The following CNTN6 variants were observed in gnomAD, a reference collection of about 807,000 sequenced individuals.
The protein encoded by CNTN6 is contactin 6, also known as contactin-6.
Under a neutral mutation model 122.8 loss-of-function variants are expected in CNTN6, and 137 were observed. That is an observed-to-expected ratio of 1.12 (90% CI 0.97 to 1.29). The LOEUF (loss-of-function observed/expected upper bound fraction) is 1.29, where lower values mean the gene tolerates loss of function less well. Ranked by LOEUF, CNTN6 falls within the 50% of genes most tolerant of loss-of-function variation. The probability of loss-of-function intolerance (pLI) is 0.00; values close to 1 mark genes in which losing one functional copy is unlikely to be tolerated. For missense variants in CNTN6, 1,634 were observed against 1,223.4 expected (o/e 1.34, Z -5.01); for synonymous variants, 570 against 426.0 (o/e 1.34, Z -4.16).
chr3:1,392,263 C>T (rs1694269470), intron 20 of CNTN6, among the ~76,000 whole-genome samples: 1 of 152,194 alleles, frequency 6.6e-6, no homozygotes, highest in African/African-American at 2.4e-5. Flanking sequence ...ATATCTACAG[C>T]TATCTGATCT....
chr3:1,391,266 A>G (rs1469041947), intron 20 of CNTN6, among the ~76,000 whole-genome samples: 239 of 105,056 alleles, frequency 2.3e-3, no homozygotes, highest in Middle Eastern at 4.2e-3. Flanking sequence ...AAATCAATAA[A>G]TGTAATCCAG....
chr3:1,334,603 G>C (rs1315858179), intron 11 of CNTN6, among the ~76,000 whole-genome samples: 1 of 152,034 alleles, frequency 6.6e-6, no homozygotes, highest in Non-Finnish European at 1.5e-5. Context: ...GTGACCAGGT[G>C]ACTGAGCCAA....
intron 11 of CNTN6, among the ~76,000 whole-genome samples, chr3:1,344,653 T>A (rs1458888045): frequency 3.9e-5 from 6 of 152,156 alleles, no homozygotes; most frequent in African/African-American, 1.4e-4. Flanking sequence ...AAAGAAAGAT[T>A]TGCAAATTAT....
chr3:1,297,752 CTATATG>C, intron 6 of CNTN6, 131 bp from the exon 7 acceptor site: 1 of 624,208 alleles, frequency 1.6e-6, no homozygotes, highest in Non-Finnish European at 2.8e-6. Context: ...ATTTTAGAAT[CTATATG>C]TATCCAATTC....
At chr3:1,385,879 A>G in intron 20 of CNTN6, 82 bp downstream of exon 20, 1 of 1,310,926 alleles carries the variant, frequency 7.6e-7, no homozygotes, top group Non-Finnish European at 1.0e-6. Context: ...TTTCATTCCC[A>G]CACCTCATTT....
rs10525769 is a variant in CNTN6, at chr3:1,170,236, C to CAAAA, written c.55+22197_55+22200dup. 1.9e-3 allele frequency among the ~76,000 whole-genome samples: 202 copies of CAAAA among 107,434 alleles called. 11 individuals are homozygous for CAAAA. The highest frequency in any genetic ancestry group is 6.4e-3 in the African/African-American group (183 of 28,792). The allele number at this position is 107,434 out of a possible 152,430, so 70.5% of individuals were successfully genotyped here. A position where few individuals can be genotyped will look rare whatever the true frequency, so the allele number is the denominator to read the frequency against. On this transcript the variant is annotated intron_variant, in intron 2 of 22. Transcript: ENST00000446702. Reference sequence around the variant, plus strand: ...TGGATGACAGAGTAAGGCTCCATCTCAAAAAAAAAAAAAAAAAAAAAAAAA... The same window carrying CAAAA: ...TGGATGACAGAGTAAGGCTCCATCTCAAAAAAAAAAAAAAAAAAAAAAAAAAAAA...
chr3:1,172,470 TAA>T (rs1181724070), intron 2 of CNTN6, among the ~76,000 whole-genome samples: 2 of 152,198 alleles, frequency 1.3e-5, no homozygotes, highest in Non-Finnish European at 2.9e-5. Context: ...AACTTTCGAG[TAA>T]AGTTTTCTGA....
In CNTN6 at chr3:1,227,899, C is replaced by T; in HGVS notation, c.264C>T (p.Ser88=). Residue 88 remains serine, a synonymous_variant, in exon 4 of 23, where the codon AGC becomes AGT. Transcript: ENST00000446702. ...RLDGGSLAIN[S]PHTDQDIGMY... ...ATGGAGGCAGTCTTGCAATCAATAG[C>T]CCCCACACAGATCAAGATATTGGCA... 6.2e-7 allele frequency: 1 copy of T among 1,613,860 alleles called. No homozygotes were observed. The highest frequency in any genetic ancestry group is 8.5e-7 in the Non-Finnish European group (1 of 1,179,844).
At chr3:1,274,935 T>A (rs1461097219) in intron 4 of CNTN6, among the ~76,000 whole-genome samples, 3 of 152,136 alleles carry the variant, frequency 2.0e-5, no homozygotes, top group Non-Finnish European at 4.4e-5. Flanking sequence ...TTGGATCTTT[T>A]ATCTTCCCAA....
intron 2 of CNTN6, among the ~76,000 whole-genome samples, chr3:1,151,281 A>G (rs2092836798): frequency 6.6e-6 from 1 of 152,182 alleles, no homozygotes; most frequent in African/African-American, 2.4e-5. Context: ...TGAATTAATT[A>G]ATTACCAAAA....
At chr3:1,300,321 G>A (rs1221643019) in intron 7 of CNTN6, among the ~76,000 whole-genome samples, 1 of 151,942 alleles carries the variant, frequency 6.6e-6, no homozygotes, top group Non-Finnish European at 1.5e-5. Context: ...TTGAATTAGT[G>A]AGGATGCCCA....
At chr3:1,373,820 TA>T in intron 15 of CNTN6, 58 bp downstream of exon 15, 1 of 1,496,516 alleles carries the variant, frequency 6.7e-7, no homozygotes, top group Non-Finnish European at 8.9e-7. Flanking sequence ...CCAATAATTT[TA>T]ATAAATGCAA....
chr3:1,373,539 T>C, intron 14 of CNTN6, 65 bp from the exon 15 acceptor site: 1 of 1,507,664 alleles, frequency 6.6e-7, no homozygotes, highest in Admixed American at 2.0e-5. Context: ...AAATAAACCA[T>C]CCTAGTACCA....
chr3:1,105,062 T>C (rs1251506498), intron 1 of CNTN6, among the ~76,000 whole-genome samples: 1 of 152,100 alleles, frequency 6.6e-6, no homozygotes, highest in East Asian at 1.9e-4. Context: ...GCATGTCAAA[T>C]TGTGGGTTTT....
chr3:1,105,409 G>A (rs771639145), intron 1 of CNTN6, among the ~76,000 whole-genome samples: 10 of 152,020 alleles, frequency 6.6e-5, no homozygotes, highest in African/African-American at 1.9e-4. Context: ...ATCAGATATC[G>A]GTGAGATAAC....
Position 1,402,535 on chromosome 3 carries a change from C to T in CNTN6, c.2986+49C>T. 2.0e-6 allele frequency: 3 copies of T among 1,486,058 alleles called. No individual in the cohort carries two copies. The South Asian group carries it at 3.8e-5, about 19-fold the overall frequency. The allele number at this position is 1,486,058 out of a possible 1,614,324, so 92.1% of individuals were successfully genotyped here. A position where few individuals can be genotyped will look rare whatever the true frequency, so the allele number is the denominator to read the frequency against. The stretch of plus-strand genomic sequence containing the variant: ...AGTAGATTCTGAACCTAGACAGCTG[C>T]AGCATGAAATTCAGCTCCATGAAAC... On this transcript the variant is annotated intron_variant, in intron 22 of 22. Transcript: ENST00000446702.
chr3:1,130,277 C>G (rs1479270810), intron 1 of CNTN6, among the ~76,000 whole-genome samples: 6 of 151,984 alleles, frequency 3.9e-5, no homozygotes, highest in Non-Finnish European at 8.8e-5. Context: ...TAGTGAATCT[C>G]CTACCCTCAC....
intron 22 of CNTN6, chr3:1,402,764 T>C (rs1695890978): frequency 3.5e-6 from 1 of 283,376 alleles, no homozygotes; most frequent in African/African-American, 2.2e-5. Flanking sequence ...CATTCTATTA[T>C]CACAAAAATC....
intron 1 of CNTN6, among the ~76,000 whole-genome samples, chr3:1,100,380 G>A (rs1203536507): frequency 6.6e-6 from 1 of 152,090 alleles, no homozygotes; most frequent in Non-Finnish European, 1.5e-5. Flanking sequence ...TGTTTATGAT[G>A]TAATTATCAC....
Sources: gnomAD v4.1 joint callset for allele counts (sites outside exome capture counted in the v4.1 genomes callset) on GRCh38, gnomAD v4.1.1 for gene constraint, MANE v1.5 for transcripts, NCBI Gene and HGNC (gene_info 2026-07-23, HGNC 2026-07-21) for gene names.